UNC5D: variants seen among roughly 807,000 people sequenced by gnomAD.
UNC5D encodes unc-5 netrin receptor D.
In UNC5D, 39 loss-of-function variants were observed where a neutral mutation model predicts 105.4. The observed-to-expected ratio is 0.37, with a 90% CI of 0.29 to 0.48. The LOEUF is 0.48. Ranked by LOEUF, UNC5D falls within the 20% of genes least tolerant of loss-of-function variation. The probability of loss-of-function intolerance (pLI) is 0.98; values close to 1 mark genes in which losing one functional copy is unlikely to be tolerated. For missense variants in UNC5D, 991 were observed against 1,202.4 expected (o/e 0.82, Z 2.60); for synonymous variants, 452 against 450.4 (o/e 1.00, Z -0.04).
At chr8:35,426,864 G>T (rs145003842) in intron 1 of UNC5D, among the ~76,000 whole-genome samples, 56 of 152,178 alleles carry the variant, frequency 3.7e-4, no homozygotes, top group Non-Finnish European at 1.0e-4. Context: ...TTGGACTCTA[G>T]GGTAGTCACC....
At chr8:35,705,262 C>T (rs1827496685) in intron 7 of UNC5D, among the ~76,000 whole-genome samples, 1 of 152,204 alleles carries the variant, frequency 6.6e-6, no homozygotes, top group African/African-American at 2.4e-5. Context: ...CCCTGCCCAA[C>T]CTAATGCCTC....
At chr8:35,783,561 C>A (rs1325714840) in intron 16 of UNC5D, among the ~76,000 whole-genome samples, 1 of 152,122 alleles carries the variant, frequency 6.6e-6, no homozygotes, top group Non-Finnish European at 1.5e-5. Context: ...GCAAGGTGCC[C>A]TTGGTAGCTC....
At chr8:35,674,638 T>C (rs1317336048) in intron 4 of UNC5D, among the ~76,000 whole-genome samples, 1 of 152,216 alleles carries the variant, frequency 6.6e-6, no homozygotes, top group African/African-American at 2.4e-5. Flanking sequence ...ACTCACACTA[T>C]AACCTAAAGC....
At chr8:35,654,819 T>C (rs2131199038) in intron 4 of UNC5D, among the ~76,000 whole-genome samples, 1 of 152,270 alleles carries the variant, frequency 6.6e-6, no homozygotes, top group South Asian at 2.1e-4. Flanking sequence ...ATATACTAGG[T>C]CAGAAATTAA....
intron 1 of UNC5D, among the ~76,000 whole-genome samples, chr8:35,459,792 A>G (rs1043147540): frequency 1.3e-5 from 2 of 152,186 alleles, no homozygotes; most frequent in African/African-American, 4.8e-5. Context: ...TGTTTCACTA[A>G]TGAGCCTTGT....
intron 1 of UNC5D, among the ~76,000 whole-genome samples, chr8:35,395,330 T>A (rs1252089255): frequency 6.6e-6 from 1 of 152,184 alleles, no homozygotes; most frequent in East Asian, 1.9e-4. Flanking sequence ...GTACTGCTTT[T>A]CCCTGAAGAT....
At chr8:35,321,047 T>G (rs1234100648) in intron 1 of UNC5D, among the ~76,000 whole-genome samples, 1 of 152,194 alleles carries the variant, frequency 6.6e-6, no homozygotes, top group African/African-American at 2.4e-5. Context: ...AGTGTGTTCT[T>G]GTAGCAATCC....
At chr8:35,419,892 C>T (rs946393822) in intron 1 of UNC5D, among the ~76,000 whole-genome samples, 7 of 152,030 alleles carry the variant, frequency 4.6e-5, no homozygotes, top group Admixed American at 2.0e-4. Flanking sequence ...GAACAGCTCT[C>T]GACACAATAG....
At chr8:35,660,136 G>C (rs1008793366) in intron 4 of UNC5D, among the ~76,000 whole-genome samples, 1 of 152,130 alleles carries the variant, frequency 6.6e-6, no homozygotes, top group African/African-American at 2.4e-5. Context: ...TGTCATTTAC[G>C]TCCTCTCCTA....
intron 4 of UNC5D, among the ~76,000 whole-genome samples, chr8:35,621,153 T>C (rs1358664411): frequency 6.6e-6 from 1 of 152,206 alleles, no homozygotes; most frequent in Non-Finnish European, 1.5e-5. Context: ...AGACTCTGTC[T>C]TCCTCTCAGG....
At chr8:35,256,502 A>G in intron 1 of UNC5D, 1 of 152,076 alleles carries the variant, frequency 6.6e-6, no homozygotes, top group Non-Finnish European at 1.5e-5. Context: ...TTATGTGATA[A>G]TATGAGTGTC....
intron 1 of UNC5D, among the ~76,000 whole-genome samples, chr8:35,504,176 T>C (rs184742276): frequency 3.3e-5 from 5 of 152,124 alleles, no homozygotes; most frequent in African/African-American, 1.2e-4. Flanking sequence ...CAAAAACCAT[T>C]GATGACTTCT....
chr8:35,641,603 A>G lies in UNC5D; in HGVS notation c.571-41944A>G, dbSNP rs144955044. On this transcript the variant is annotated intron_variant, in intron 4 of 16. Coordinates refer to ENST00000404895, the MANE Select transcript of UNC5D (RefSeq NM_080872.4). ...TTTATGACAGTCATCAAGTATGACTATGTTAGCCATCAGTCATAAATACAA... is the reference window on the plus strand; with the variant it reads ...TTTATGACAGTCATCAAGTATGACTGTGTTAGCCATCAGTCATAAATACAA... Among the ~76,000 whole-genome samples, 149 of 152,218 alleles carry G rather than the reference A, an allele frequency of 9.8e-4. 1 individual carries two copies. Among genetic ancestry groups the G allele is most frequent in the South Asian group, 2.7e-3 (13 of 4,818 alleles).
intron 8 of UNC5D, among the ~76,000 whole-genome samples, chr8:35,715,270 T>A (rs12678392): frequency 0.024 from 3,676 of 152,290 alleles, 160 homozygotes; most frequent in Admixed American, 0.098. Flanking sequence ...ATAGAGCCTT[T>A]AGTGTAGAGA....
At chr8:35,453,087 C>G (rs542374953) in intron 1 of UNC5D, among the ~76,000 whole-genome samples, 2 of 152,216 alleles carry the variant, frequency 1.3e-5, no homozygotes, top group East Asian at 3.9e-4. Flanking sequence ...CCCACAGCCT[C>G]TTTTTTGAAT....
At chr8:35,726,599 A>G in intron 10 of UNC5D, 70 bp downstream of exon 10, 1 of 1,558,698 alleles carries the variant, frequency 6.4e-7, no homozygotes, top group Non-Finnish European at 8.6e-7. Context: ...GTTACTTCCC[A>G]TCAGATTCAT....
At chr8:35,728,902 TTGAAG>T (rs1231129921) in intron 10 of UNC5D, among the ~76,000 whole-genome samples, 1 of 152,200 alleles carries the variant, frequency 6.6e-6, no homozygotes, top group African/African-American at 2.4e-5. Context: ...CAATGACATA[TTGAAG>T]TGAATTCTAC....
At chr8:35,687,639 G>A (rs1826103841) in intron 7 of UNC5D, among the ~76,000 whole-genome samples, 1 of 152,030 alleles carries the variant, frequency 6.6e-6, no homozygotes, top group African/African-American at 2.4e-5. Context: ...GCATGGGAGG[G>A]TCAACTAGAG....
intron 7 of UNC5D, among the ~76,000 whole-genome samples, chr8:35,689,357 C>A (rs1198021783): frequency 6.6e-6 from 1 of 152,194 alleles, no homozygotes; most frequent in Admixed American, 6.5e-5. Flanking sequence ...ACTTAATCAG[C>A]ACTGAGAGTG....
Sources: gnomAD v4.1 joint callset for allele counts (sites outside exome capture counted in the v4.1 genomes callset) on GRCh38, gnomAD v4.1.1 for gene constraint, MANE v1.5 for transcripts, NCBI Gene and HGNC (gene_info 2026-07-23, HGNC 2026-07-21) for gene names.